The following CYP4F8 variants were observed in gnomAD, a reference collection of about 807,000 sequenced individuals.
CYP4F8 encodes the protein cytochrome P450 family 4 subfamily F member 8, also known as cytochrome P450 4F8.
CYP4F8 carries 56 observed loss-of-function variants against 55.0 expected under a neutral mutation model. The observed-to-expected ratio is 1.02, with a 90% CI of 0.82 to 1.27. The LOEUF (loss-of-function observed/expected upper bound fraction) is 1.27. Among genes scored for constraint, CYP4F8 ranks in the 50% most tolerant of loss-of-function variants. The pLI is 0.00. For synonymous variants in CYP4F8, 288 were observed against 267.3 expected, an observed-to-expected ratio of 1.08 and a Z score of -0.76; for missense variants, 680 against 682.4, an observed-to-expected ratio of 1.00 and a Z score of 0.04.
In CYP4F8 at chr19:15,622,353, C is replaced by T; in HGVS notation, c.647+13C>T. On this transcript the variant is annotated intron_variant, in intron 6 of 12. Coordinates refer to ENST00000612078, the MANE Select transcript of CYP4F8 (RefSeq NM_007253.4). The stretch of plus-strand genomic sequence containing the variant: ...GCAATTGTCAGGAGTGAGTTCTTGC[C>T]CAGGGCCTGGGAACATGGGATGGAG... 3 of 1,610,560 alleles carry T rather than the reference C, an allele frequency of 1.9e-6. No individual in the cohort carries two copies. Among genetic ancestry groups the T allele is most frequent in the Non-Finnish European group, 2.5e-6 (3 of 1,179,114 alleles).
At chr19:15,620,384 T>C (rs1007681443) in intron 5 of CYP4F8, among the ~76,000 whole-genome samples, 4 of 152,148 alleles carry the variant, frequency 2.6e-5, no homozygotes, top group Non-Finnish European at 4.4e-5. Flanking sequence ...GATACAATGC[T>C]TCTCACTAGT....
chr19:15,628,289 G>T lies in CYP4F8; in HGVS notation c.1116-13G>T. ...GTGTATGCTCTCTGGATAATTGTTG[G>T]GTGTTTCCTTAGGGACGACCTGGCC... On this transcript the variant is annotated splice_polypyrimidine_tract_variant and intron_variant, in intron 9 of 12. Transcript: ENST00000612078. 6.2e-7 allele frequency: 1 copy of T among 1,613,886 alleles called. No homozygotes were observed. The highest frequency in any genetic ancestry group is 8.5e-7 in the Non-Finnish European group (1 of 1,179,956).
chr19:15,622,381 GGGGTGT>G, intron 6 of CYP4F8, 41 bp downstream of exon 6: 2 of 1,594,716 alleles, frequency 1.3e-6, no homozygotes, highest in Non-Finnish European at 1.7e-6. Flanking sequence ...GGATGGAGTG[GGGGTGT>G]GGGTGTGGGG....
chr19:15,619,561 G>A lies in CYP4F8; in HGVS notation c.397+18G>A, dbSNP rs778601453. On this transcript the variant is annotated intron_variant, in intron 4 of 12. Transcript: ENST00000612078. ...CTGGCTGGGTAAGTAACTGTAGGTGGACGGGACGGGGACCAACTTTTGTGG... is the reference window on the plus strand; with the variant it reads ...CTGGCTGGGTAAGTAACTGTAGGTGAACGGGACGGGGACCAACTTTTGTGG... 6.2e-7 allele frequency: 1 copy of A among 1,614,186 alleles called. No individual in the cohort carries two copies. The highest frequency in any genetic ancestry group is 1.1e-5 in the South Asian group (1 of 91,084).
chr19:15,624,022 C>G lies in CYP4F8; in HGVS notation c.1043C>G (p.Pro348Arg). 1 of 1,614,214 alleles carries G rather than the reference C, an allele frequency of 6.2e-7. No homozygotes were observed. Among genetic ancestry groups the G allele is most frequent in the Non-Finnish European group, 8.5e-7 (1 of 1,180,048 alleles). The change falls in exon 9 of 13, where the codon CCA becomes CGA. Residue 348 changes from proline to arginine, a missense_variant. Transcript: ENST00000612078. ...SWVLYNLARH[P>R]EYQERCRQEV... ...GTCTTGTACAACCTCGCGAGGCACC[C>G]AGAATACCAAGAACGCTGCCGGCAG...
chr19:15,616,816 GCTGTC>G (rs1160732869), intron 2 of CYP4F8, among the ~76,000 whole-genome samples: 1 of 152,188 alleles, frequency 6.6e-6, no homozygotes, highest in Non-Finnish European at 1.5e-5. Flanking sequence ...ACTTAGACCT[GCTGTC>G]CCCTTTGGGC....
Position 15,619,481 on chromosome 19 carries a change from T to C in CYP4F8, c.344-9T>C. 1 of 1,614,120 alleles carries C rather than the reference T, an allele frequency of 6.2e-7. No homozygotes were observed. The highest frequency in any genetic ancestry group is 1.1e-5 in the South Asian group (1 of 91,084). On this transcript the variant is annotated splice_polypyrimidine_tract_variant and intron_variant, in intron 3 of 12. Transcript: ENST00000612078. ...CTCCATGGACCCTGATGGTCCTCATTCATGTCAGATGCCATTACAGACAAG... is the reference window on the plus strand; with the variant it reads ...CTCCATGGACCCTGATGGTCCTCATCCATGTCAGATGCCATTACAGACAAG...
chr19:15,625,761 G>A (rs1294703541), intron 9 of CYP4F8, among the ~76,000 whole-genome samples: 1 of 151,970 alleles, frequency 6.6e-6, no homozygotes, highest in Non-Finnish European at 1.5e-5. Context: ...TTGAGTTAAC[G>A]ATGCTCTTCA....
rs372729216 is a variant in CYP4F8, at chr19:15,620,480, C to G, written c.525+718C>G. 2.6e-4 allele frequency among the ~76,000 whole-genome samples: 39 copies of G among 152,226 alleles called. No individual in the cohort carries two copies. In the South Asian group the frequency reaches 7.7e-3, roughly 30 times the overall value. The stretch of plus-strand genomic sequence containing the variant: ...GTGGTGCGATCTTGGCTCTCTGCAA[C>G]CCCCGCCTCAAGCAATTCTCCTGTC... On this transcript the variant is annotated intron_variant, in intron 5 of 12. Coordinates refer to ENST00000612078, the MANE Select transcript of CYP4F8 (RefSeq NM_007253.4).
In CYP4F8 at chr19:15,628,409, T is replaced by C; in HGVS notation, c.1223T>C (p.Leu408Pro). ...FARGCTQDVV[L>P]PDSRVIPKGN... The stretch of plus-strand genomic sequence containing the variant: ...CGCGGCTGCACCCAGGACGTGGTGC[T>C]CCCAGACAGCCGAGTCATCCCCAAA... Residue 408 changes from leucine to proline, a missense_variant, in exon 10 of 13, where the codon CTC becomes CCC. Physicochemically the swap from Leu to Pro is moderately conservative, Grantham distance 98. Coordinates refer to ENST00000612078, the MANE Select transcript of CYP4F8 (RefSeq NM_007253.4). 6.2e-7 allele frequency: 1 copy of C among 1,614,096 alleles called. No homozygotes were observed. The highest frequency in any genetic ancestry group is 8.5e-7 in the Non-Finnish European group (1 of 1,180,008).
chr19:15,629,884 AT>A lies in CYP4F8; in HGVS notation c.*541del, dbSNP rs4019752. On this transcript the variant is annotated 3_prime_UTR_variant, in exon 13 of 13. Coordinates refer to ENST00000612078, the MANE Select transcript of CYP4F8 (RefSeq NM_007253.4). ...CCTCTTCCTTCCTGCTGCTTGGAAG[AT>A]TTTTTTTTTTTTTTGAGACATGGTG... 6.3e-3 allele frequency: 919 copies of A among 145,302 alleles called. 2 individuals are homozygous for A. The highest frequency in any genetic ancestry group is 7.5e-3 in the African/African-American group (294 of 39,022). The allele number at this position is 145,302 out of a possible 1,614,324, so 9.0% of individuals were successfully genotyped here.
chr19:15,618,002 C>G lies in CYP4F8; in HGVS notation c.201C>G (p.Val67=), dbSNP rs758288185. 36 of 1,613,466 alleles carry G rather than the reference C, an allele frequency of 2.2e-5. No individual in the cohort carries two copies. The highest frequency in any genetic ancestry group is 1.7e-4 in the Middle Eastern group (1 of 6,056). The change falls in exon 3 of 13, where the codon GTC becomes GTG. Residue 67 remains valine (V), a splice_region_variant and synonymous_variant. Coordinates refer to ENST00000612078, the MANE Select transcript of CYP4F8 (RefSeq NM_007253.4). ...GATGGCCCTTGCCTTGCTTGCAGGT[C>G]ACTCCCACAGAGGAGGGCTTGAGGG... ...QNWFLGHLGL[V]TPTEEGLRVL...
intron 9 of CYP4F8, among the ~76,000 whole-genome samples, chr19:15,624,431 C>T (rs954271440): frequency 1.3e-5 from 2 of 152,124 alleles, no homozygotes; most frequent in African/African-American, 2.4e-5. Flanking sequence ...CGGCAAATAC[C>T]GCAATGACTT....
At chr19:15,621,163 C>G (rs1023405722) in intron 5 of CYP4F8, among the ~76,000 whole-genome samples, 15 of 152,276 alleles carry the variant, frequency 9.9e-5, no homozygotes, top group African/African-American at 3.4e-4. Context: ...CAGAATAAGC[C>G]TAACGTGTGT....
At position 15,626,423 on chromosome 19, in the gene CYP4F8, C is replaced by T. The variant is rs116599411; in HGVS notation, c.1116-1879C>T. On this transcript the variant is annotated intron_variant, in intron 9 of 12. Transcript: ENST00000612078. ...CTCGAATAGATGTGAAGTGGTACCTCGTTGTCAGCTAGCTTCCATTTCTAT... is the reference window on the plus strand; with the variant it reads ...CTCGAATAGATGTGAAGTGGTACCTTGTTGTCAGCTAGCTTCCATTTCTAT... Among the ~76,000 whole-genome samples, 794 of 152,310 alleles carry T rather than the reference C, an allele frequency of 5.2e-3. 7 individuals are homozygous for T. The highest frequency in any genetic ancestry group is 0.018 in the African/African-American group (759 of 41,564).
chr19:15,619,593 G>T lies in CYP4F8; in HGVS notation c.398-42G>T, dbSNP rs1287387161. The T allele has an allele frequency of 2.5e-6, 4 of 1,614,042 alleles. No homozygotes were observed. The African/African-American group carries it at 5.3e-5, about 22-fold the overall frequency. ...CGGGGACCAACTTTTGTGGCCAGGG[G>T]AAGATTCTGCCCTTGCCCACAGCCT... On this transcript the variant is annotated intron_variant, in intron 4 of 12. Coordinates refer to ENST00000612078, the MANE Select transcript of CYP4F8 (RefSeq NM_007253.4).
intron 11 of CYP4F8, 30 bp downstream of exon 11, chr19:15,628,625 C>T (rs370046597): frequency 1.1e-4 from 180 of 1,610,280 alleles, no homozygotes; most frequent in Admixed American, 1.8e-4. Flanking sequence ...CTCCATCCCC[C>T]GGGCCTGGTC....
At chr19:15,617,669 A>G (rs1352603497) in intron 2 of CYP4F8, among the ~76,000 whole-genome samples, 1 of 152,180 alleles carries the variant, frequency 6.6e-6, no homozygotes, top group Non-Finnish European at 1.5e-5. Flanking sequence ...AATCAGGGAC[A>G]CTGGTGGTGC....
At chr19:15,619,315 A>C in intron 3 of CYP4F8, 175 bp from the exon 4 acceptor site, 1 of 642,054 alleles carries the variant, frequency 1.6e-6, no homozygotes. Context: ...GTTGCAGCCT[A>C]GTCCGGTCCC....
Sources: allele counts gnomAD v4.1 joint callset (sites outside exome capture counted in the v4.1 genomes callset), GRCh38; gene constraint gnomAD v4.1.1; transcripts MANE v1.5; gene names NCBI Gene and HGNC (gene_info 2026-07-23, HGNC 2026-07-21).